CDH18: variants seen among roughly 807,000 people sequenced by gnomAD.
CDH18 encodes cadherin-18.
Under a neutral mutation model 67.9 loss-of-function variants are expected in CDH18, and 31 were observed. That is an observed-to-expected ratio of 0.46 (90% CI 0.34 to 0.62). The LOEUF is 0.62. Among genes scored for constraint, CDH18 ranks in the 20% least tolerant of loss-of-function variants. The probability of loss-of-function intolerance (pLI) is 0.01; values close to 1 mark genes in which losing one functional copy is unlikely to be tolerated. For synonymous variants in CDH18, 362 were observed against 347.2 expected, an observed-to-expected ratio of 1.04 and a Z score of -0.48; for missense variants, 890 against 975.5, an observed-to-expected ratio of 0.91 and a Z score of 1.17.
At chr5:19,641,810 A>C (rs1157164295) in intron 5 of CDH18, among the ~76,000 whole-genome samples, 1 of 151,962 alleles carries the variant, frequency 6.6e-6, no homozygotes, top group African/African-American at 2.4e-5. Flanking sequence ...TTAGTACTTG[A>C]AGTCCTAGCC....
At chr5:20,018,552 T>C (rs1738096607) in intron 2 of CDH18, among the ~76,000 whole-genome samples, 2 of 152,162 alleles carry the variant, frequency 1.3e-5, no homozygotes, top group African/African-American at 4.8e-5. Flanking sequence ...CTTTGATATT[T>C]GGGTGTGAAG....
intron 7 of CDH18, among the ~76,000 whole-genome samples, chr5:19,572,467 T>C (rs998082341): frequency 2.0e-5 from 3 of 152,166 alleles, no homozygotes; most frequent in Non-Finnish European, 2.9e-5. Flanking sequence ...TGCAGAGAAA[T>C]TGAGGCATTG....
At chr5:19,526,880 A>G (rs985188438) in intron 9 of CDH18, among the ~76,000 whole-genome samples, 3 of 152,108 alleles carry the variant, frequency 2.0e-5, no homozygotes, top group Admixed American at 6.5e-5. Context: ...ATCTACTACT[A>G]TAATAAAAAT....
intron 5 of CDH18, among the ~76,000 whole-genome samples, chr5:19,720,313 G>A (rs964629500): frequency 6.6e-6 from 1 of 152,108 alleles, no homozygotes; most frequent in African/African-American, 2.4e-5. Context: ...ATGTGGCTAT[G>A]CCATTTACTT....
At chr5:20,515,746 G>A (rs889289470) in intron 1 of CDH18, among the ~76,000 whole-genome samples, 3 of 152,002 alleles carry the variant, frequency 2.0e-5, no homozygotes, top group African/African-American at 7.2e-5. Flanking sequence ...TATATCCAAA[G>A]TTAGCAGTTT....
chr5:19,556,640 A>C lies in CDH18; in HGVS notation c.1254-12635T>G, dbSNP rs138262511. Reference sequence around the variant, plus strand: ...AGTTTGGAATTATATTAAATGAACAAACATAAAAACAATTGGTGCTCCCAA... The same window carrying C: ...AGTTTGGAATTATATTAAATGAACACACATAAAAACAATTGGTGCTCCCAA... On this transcript the variant is annotated intron_variant, in intron 8 of 12. Coordinates refer to ENST00000382275, the MANE Select transcript of CDH18 (RefSeq NM_004934.5). Among the ~76,000 whole-genome samples, 55 of 152,268 alleles carry C rather than the reference A, an allele frequency of 3.6e-4. 1 individual carries two copies. The East Asian group carries it at 9.8e-3, about 27-fold the overall frequency.
At chr5:19,859,854 C>A (rs1581679998) in intron 2 of CDH18, among the ~76,000 whole-genome samples, 2 of 152,220 alleles carry the variant, frequency 1.3e-5, no homozygotes, top group South Asian at 4.1e-4. Context: ...GTGTCTTGGG[C>A]CATTGGTCAT....
chr5:20,094,510 G>A (rs1405941850), intron 2 of CDH18, among the ~76,000 whole-genome samples: 1 of 152,134 alleles, frequency 6.6e-6, no homozygotes, highest in East Asian at 1.9e-4. Flanking sequence ...AAAGTCAATG[G>A]TAGCTTGATG....
chr5:20,041,854 T>C (rs187113380), intron 2 of CDH18, among the ~76,000 whole-genome samples: 23 of 152,356 alleles, frequency 1.5e-4, no homozygotes, highest in African/African-American at 5.3e-4. Flanking sequence ...CTGTTGAATC[T>C]AACTAATCAA....
At chr5:19,932,390 A>G (rs1793795911) in intron 2 of CDH18, among the ~76,000 whole-genome samples, 1 of 151,752 alleles carries the variant, frequency 6.6e-6, no homozygotes, top group Admixed American at 6.6e-5. Context: ...CTCTACAACA[A>G]TCCCATCAAA....
intron 5 of CDH18, among the ~76,000 whole-genome samples, chr5:19,711,711 A>C (rs1019603848): frequency 6.6e-6 from 1 of 151,852 alleles, no homozygotes; most frequent in Non-Finnish European, 1.5e-5. Flanking sequence ...ATGTTTATAC[A>C]CTGTTGATAG....
intron 2 of CDH18, among the ~76,000 whole-genome samples, chr5:19,967,454 C>A (rs1009840076): frequency 2.6e-5 from 4 of 152,022 alleles, no homozygotes; most frequent in African/African-American, 9.7e-5. Context: ...ATAAAATTTT[C>A]ATTCTTTTGG....
intron 2 of CDH18, among the ~76,000 whole-genome samples, chr5:19,955,812 G>A (rs549659053): frequency 1.3e-5 from 2 of 152,150 alleles, no homozygotes; most frequent in South Asian, 4.1e-4. Flanking sequence ...TAACAGGTGT[G>A]AAAACAGATT....
intron 1 of CDH18, among the ~76,000 whole-genome samples, chr5:19,981,495 A>C (rs541194437): frequency 2.0e-5 from 3 of 152,304 alleles, no homozygotes; most frequent in African/African-American, 4.8e-5. Flanking sequence ...GCATCTGGTG[A>C]GGGCTTTCTT....
intron 8 of CDH18, among the ~76,000 whole-genome samples, chr5:19,549,868 A>T (rs1737076661): frequency 1.3e-5 from 2 of 152,122 alleles, no homozygotes; most frequent in Non-Finnish European, 2.9e-5. Context: ...GATGCCAGAG[A>T]GTTTAATGAA....
At chr5:19,619,297 T>C (rs1750331147) in intron 5 of CDH18, among the ~76,000 whole-genome samples, 1 of 152,204 alleles carries the variant, frequency 6.6e-6, no homozygotes, top group African/African-American at 2.4e-5. Context: ...ATGCTATGAT[T>C]AGAATGTTCA....
chr5:19,597,609 A>G (rs1175468671), intron 6 of CDH18, among the ~76,000 whole-genome samples: 2 of 152,240 alleles, frequency 1.3e-5, no homozygotes. Context: ...TCTAACAGAA[A>G]AAAAAACAAA....
At chr5:19,801,819 C>T (rs968098753) in intron 3 of CDH18, among the ~76,000 whole-genome samples, 2 of 152,170 alleles carry the variant, frequency 1.3e-5, no homozygotes, top group African/African-American at 4.8e-5. Flanking sequence ...TGGTCTCCCA[C>T]AGCTGCATTA....
At chr5:20,203,436 C>G (rs571777325) in intron 2 of CDH18, among the ~76,000 whole-genome samples, 1 of 152,112 alleles carries the variant, frequency 6.6e-6, no homozygotes, top group Non-Finnish European at 1.5e-5. Context: ...CACTAGCCAG[C>G]TTTACAACAC....
Sources: gnomAD v4.1 joint callset for allele counts (sites outside exome capture counted in the v4.1 genomes callset) on GRCh38, gnomAD v4.1.1 for gene constraint, MANE v1.5 for transcripts, NCBI Gene and HGNC (gene_info 2026-07-23, HGNC 2026-07-21) for gene names.